WDR49: variants seen among roughly 807,000 people sequenced by gnomAD.
WDR49 encodes the protein WD repeat domain 49.
WDR49 carries 107 observed loss-of-function variants against 119.5 expected under a neutral mutation model. The ratio of observed to expected loss-of-function variants is 0.90; its 90% CI spans 0.77 to 1.05. WDR49 has a LOEUF of 1.05. WDR49 is among the 50% of genes least tolerant of loss of function. The probability of loss-of-function intolerance (pLI) is 0.00; values close to 1 mark genes in which losing one functional copy is unlikely to be tolerated. For missense variants in WDR49, 1,240 were observed against 1,220.5 expected, an observed-to-expected ratio of 1.02 and a Z score of -0.24; for synonymous variants, 425 against 418.8, an observed-to-expected ratio of 1.01 and a Z score of -0.18.
chr3:167,591,775 G>A (rs1039436612), intron 7 of WDR49, among the ~76,000 whole-genome samples: 3 of 151,914 alleles, frequency 2.0e-5, no homozygotes, highest in African/African-American at 7.2e-5. Flanking sequence ...TTCAGTCAGT[G>A]TGTGTCTTTA....
chr3:167,563,031 C>G (rs1713361182), intron 8 of WDR49, among the ~76,000 whole-genome samples: 1 of 152,158 alleles, frequency 6.6e-6, no homozygotes, highest in Non-Finnish European at 1.5e-5. Context: ...ATCTTGCTTT[C>G]CTCCAACTAT....
At chr3:167,540,818 GA>G (rs1306288428) in intron 10 of WDR49, among the ~76,000 whole-genome samples, 1 of 151,428 alleles carries the variant, frequency 6.6e-6, no homozygotes, top group Non-Finnish European at 1.5e-5. Context: ...GGATATGGAT[GA>G]AAAAATGGTC....
chr3:167,561,524 A>G (rs983884546), intron 8 of WDR49, among the ~76,000 whole-genome samples: 3 of 152,202 alleles, frequency 2.0e-5, no homozygotes, highest in African/African-American at 7.2e-5. Context: ...AAAATGTTTC[A>G]AGTTTAGAGG....
intron 18 of WDR49, among the ~76,000 whole-genome samples, chr3:167,497,358 A>G (rs189453601): frequency 1.1e-3 from 165 of 152,348 alleles, no homozygotes; most frequent in African/African-American, 3.8e-3. Flanking sequence ...GAAAGAAAAT[A>G]AAAAACCAAA....
At chr3:167,643,326 A>G (rs897126143) in intron 2 of WDR49, among the ~76,000 whole-genome samples, 1 of 152,120 alleles carries the variant, frequency 6.6e-6, no homozygotes, top group Non-Finnish European at 1.5e-5. Flanking sequence ...CTTTCCAAAA[A>G]TGGTGAAGAT....
Position 167,653,332 on chromosome 3 carries a change from C to G in WDR49, c.94G>C (p.Asp32His), listed in dbSNP as rs1037421034. The change falls in exon 2 of 19, where the codon GAC becomes CAC. Residue 32 changes from aspartate to histidine, a missense_variant. Coordinates refer to ENST00000682715, the MANE Select transcript of WDR49 (RefSeq NM_001366157.1). ...TTTTCAAGCAGGCCTGTGCCATAGT[C>G]TTCAAATGCAGTTACACCTTCTGTT... is the stretch of plus-strand genomic sequence containing the variant. ...ERTEGVTAFE[D>H]YGTGLLENQL... is the part of the protein sequence containing the mutation. 5 of 1,536,076 alleles carry G rather than the reference C, an allele frequency of 3.3e-6. No individual in the cohort carries two copies. Among genetic ancestry groups the G allele is most frequent in the African/African-American group, 2.7e-5 (2 of 73,048 alleles).
chr3:167,485,023 A>C (rs1750868984), intron 18 of WDR49, among the ~76,000 whole-genome samples: 1 of 152,224 alleles, frequency 6.6e-6, no homozygotes, highest in African/African-American at 2.4e-5. Flanking sequence ...ATAAAAAAGA[A>C]TGAGTTCATG....
intron 7 of WDR49, among the ~76,000 whole-genome samples, chr3:167,598,711 G>C (rs539067510): frequency 6.6e-6 from 1 of 152,182 alleles, no homozygotes; most frequent in African/African-American, 2.4e-5. Context: ...TTGTAGCAGT[G>C]TGAAAATGGA....
intron 6 of WDR49, among the ~76,000 whole-genome samples, chr3:167,603,853 T>A (rs1007878711): frequency 2.6e-5 from 4 of 152,100 alleles, no homozygotes; most frequent in African/African-American, 9.7e-5. Context: ...GAAAGGTAAT[T>A]GAAAAACAGT....
At chr3:167,552,866 C>A (rs933414531) in intron 10 of WDR49, among the ~76,000 whole-genome samples, 2 of 152,048 alleles carry the variant, frequency 1.3e-5, no homozygotes, top group African/African-American at 2.4e-5. Flanking sequence ...AATTATCGAA[C>A]CAATCTCTGT....
chr3:167,498,049 C>T (rs1308576713), intron 18 of WDR49, among the ~76,000 whole-genome samples: 2 of 152,048 alleles, frequency 1.3e-5, no homozygotes, highest in Non-Finnish European at 2.9e-5. Context: ...ACCATGTTGG[C>T]CAGGATGGCC....
chr3:167,492,792 CT>C (rs1011335484), intron 18 of WDR49, among the ~76,000 whole-genome samples: 1 of 151,994 alleles, frequency 6.6e-6, no homozygotes, highest in Non-Finnish European at 1.5e-5. Context: ...GTTTCCATGG[CT>C]TATTCTCTTT....
chr3:167,617,175 G>A (rs1023679597), intron 5 of WDR49, among the ~76,000 whole-genome samples: 1 of 152,180 alleles, frequency 6.6e-6, no homozygotes, highest in African/African-American at 2.4e-5. Flanking sequence ...AGAGTTTGAT[G>A]TAAGGTGAAG....
intron 16 of WDR49, among the ~76,000 whole-genome samples, chr3:167,512,475 G>A (rs1752016756): frequency 6.6e-6 from 1 of 152,158 alleles, no homozygotes. Flanking sequence ...CTCAAAGATT[G>A]AAGGTAGATA....
intron 10 of WDR49, among the ~76,000 whole-genome samples, chr3:167,547,834 A>T (rs1712304889): frequency 6.6e-6 from 1 of 151,992 alleles, no homozygotes; most frequent in South Asian, 2.1e-4. Context: ...TTGAATTAAG[A>T]TGTCAATGAA....
At chr3:167,649,169 T>C (rs992414722) in intron 2 of WDR49, among the ~76,000 whole-genome samples, 9 of 151,956 alleles carry the variant, frequency 5.9e-5, no homozygotes, top group African/African-American at 2.2e-4. Flanking sequence ...AAGAATAGTT[T>C]TGGAGTATGA....
chr3:167,548,704 T>C (rs919687993), intron 10 of WDR49, among the ~76,000 whole-genome samples: 1 of 152,116 alleles, frequency 6.6e-6, no homozygotes, highest in African/African-American at 2.4e-5. Context: ...ATTTTAATTA[T>C]TATTATACTT....
intron 2 of WDR49, among the ~76,000 whole-genome samples, chr3:167,643,925 T>A (rs1717997816): frequency 6.6e-6 from 1 of 151,900 alleles, no homozygotes; most frequent in Non-Finnish European, 1.5e-5. Flanking sequence ...TGGGAAATTA[T>A]AAATAAGTCA....
intron 5 of WDR49, among the ~76,000 whole-genome samples, chr3:167,612,311 T>G (rs185079666): frequency 6.6e-6 from 1 of 151,396 alleles, no homozygotes; most frequent in African/African-American, 2.4e-5. Context: ...TACACACATA[T>G]GGGATACAGT....
Sources: allele counts gnomAD v4.1 joint callset (sites outside exome capture counted in the v4.1 genomes callset), GRCh38; gene constraint gnomAD v4.1.1; transcripts MANE v1.5; gene names NCBI Gene and HGNC (gene_info 2026-07-23, HGNC 2026-07-21).